PKIB: variants seen among roughly 807,000 people sequenced by gnomAD.
The protein encoded by PKIB is PKI-beta.
PKIB carries 2 observed loss-of-function variants against 4.5 expected under a neutral mutation model. The observed-to-expected ratio is 0.44, with a 90% CI of 0.18 to 1.39. The LOEUF (loss-of-function observed/expected upper bound fraction) is 1.39, where lower values mean the gene tolerates loss of function less well. Ranked by LOEUF, PKIB falls within the 40% of genes most tolerant of loss-of-function variation. The pLI, the probability that PKIB is intolerant of heterozygous loss-of-function variation, is 0.27. For synonymous variants in PKIB, 38 were observed against 36.0 expected (o/e 1.06, Z -0.20); for missense variants, 94 against 92.6 (o/e 1.02, Z -0.06).
rs376747105 is a variant in PKIB at position 122,627,184 on chromosome 6, A to G, written c.-160-6099A>G. Reference sequence around the variant, plus strand: ...CGTAAACCCGGGAGGCGGAGCTTGCAGTGAGCCGAGATTGTGCCTACTGCA... The same window carrying G: ...CGTAAACCCGGGAGGCGGAGCTTGCGGTGAGCCGAGATTGTGCCTACTGCA... On this transcript the variant is annotated intron_variant, in intron 1 of 4. Transcript: ENST00000368452. Among the ~76,000 whole-genome samples the G allele has an allele frequency of 3.0e-4, 46 of 151,482 alleles. No individual in the cohort carries two copies. The East Asian group carries it at 8.4e-3, about 28-fold the overall frequency.
chr6:122,656,752 A>G (rs1776791044), intron 2 of PKIB, among the ~76,000 whole-genome samples: 1 of 152,228 alleles, frequency 6.6e-6, no homozygotes, highest in South Asian at 2.1e-4. Flanking sequence ...ATGTCAAAGC[A>G]GAACTGGCTT....
chr6:122,498,250 CAT>C (rs1387255445), intron 2 of PKIB, among the ~76,000 whole-genome samples: 1 of 152,202 alleles, frequency 6.6e-6, no homozygotes, highest in African/African-American at 2.4e-5. Flanking sequence ...CAGCACACCT[CAT>C]ATGGTGGTGG....
intron 2 of PKIB, among the ~76,000 whole-genome samples, chr6:122,540,174 A>T (rs1777548613): frequency 6.6e-6 from 1 of 151,698 alleles, no homozygotes; most frequent in East Asian, 1.9e-4. Context: ...TTGTGTCTCT[A>T]TTTCCTTCAG....
intron 2 of PKIB, among the ~76,000 whole-genome samples, chr6:122,655,996 A>AT (rs1776764176): frequency 6.6e-6 from 1 of 151,942 alleles, no homozygotes. Flanking sequence ...ATATTTTTGT[A>AT]TTTTTTTCTC....
chr6:122,649,622 T>C (rs539230788), intron 2 of PKIB, among the ~76,000 whole-genome samples: 88 of 152,316 alleles, frequency 5.8e-4, no homozygotes, highest in African/African-American at 2.1e-3. Flanking sequence ...CCATTTGATA[T>C]TGGGGTGTGG....
At chr6:122,666,491 T>G (rs1777224220) in intron 2 of PKIB, among the ~76,000 whole-genome samples, 1 of 152,230 alleles carries the variant, frequency 6.6e-6, no homozygotes, top group African/African-American at 2.4e-5. Flanking sequence ...TTGTTTTTGT[T>G]TTACTTCTCT....
At chr6:122,541,011 T>C (rs1246962383) in intron 2 of PKIB, among the ~76,000 whole-genome samples, 1 of 151,066 alleles carries the variant, frequency 6.6e-6, no homozygotes, top group Non-Finnish European at 1.5e-5. Context: ...AACCCCTGCC[T>C]TTTTTTTGTT....
chr6:122,606,895 G>A (rs1443903756), upstream of PKIB, among the ~76,000 whole-genome samples: 3 of 151,674 alleles, frequency 2.0e-5, no homozygotes, highest in Non-Finnish European at 4.4e-5. Context: ...CCTTCTCCCT[G>A]CATCTCTTGG....
intron 2 of PKIB, among the ~76,000 whole-genome samples, chr6:122,494,526 T>C (rs1205197879): frequency 6.6e-6 from 1 of 152,114 alleles, no homozygotes; most frequent in Non-Finnish European, 1.5e-5. Flanking sequence ...CCTTGGGAAA[T>C]ACTGGAAGAT....
intron 2 of PKIB, among the ~76,000 whole-genome samples, chr6:122,580,421 T>A (rs920609057): frequency 1.3e-5 from 2 of 152,212 alleles, no homozygotes; most frequent in Non-Finnish European, 2.9e-5. Context: ...TTGCTAAGCT[T>A]ATTGCCCATT....
intron 2 of PKIB, among the ~76,000 whole-genome samples, chr6:122,554,908 C>T (rs1477530049): frequency 1.3e-5 from 2 of 152,070 alleles, no homozygotes; most frequent in Non-Finnish European, 2.9e-5. Context: ...AAATAAGTTT[C>T]CTCTTAAAGA....
chr6:122,710,427 G>A (rs553630156), intron 3 of PKIB, among the ~76,000 whole-genome samples: 6 of 151,992 alleles, frequency 3.9e-5, no homozygotes, highest in Non-Finnish European at 1.5e-5. Flanking sequence ...TTCCCACTAG[G>A]GCAAATTCAG....
intron 3 of PKIB, among the ~76,000 whole-genome samples, chr6:122,698,665 T>A (rs988702992): frequency 1.3e-5 from 2 of 152,074 alleles, no homozygotes; most frequent in African/African-American, 4.8e-5. Flanking sequence ...CTAACTGGAG[T>A]GCCTGTTGAT....
At chr6:122,689,160 T>C (rs1271919025) in intron 3 of PKIB, among the ~76,000 whole-genome samples, 1 of 152,142 alleles carries the variant, frequency 6.6e-6, no homozygotes, top group East Asian at 1.9e-4. Flanking sequence ...CTTCTCTCTT[T>C]TTTTCTTAGT....
At chr6:122,674,919 T>C (rs1041458145) in intron 2 of PKIB, among the ~76,000 whole-genome samples, 159 bp from the exon 3 acceptor site, 3 of 152,210 alleles carry the variant, frequency 2.0e-5, no homozygotes, top group Non-Finnish European at 4.4e-5. Flanking sequence ...GAAAATTTTA[T>C]GTTTGAATTA....
chr6:122,640,419 T>C (rs1042594748), intron 2 of PKIB, among the ~76,000 whole-genome samples: 1 of 152,090 alleles, frequency 6.6e-6, no homozygotes, highest in African/African-American at 2.4e-5. Flanking sequence ...GCTGGAAAGA[T>C]TTTTTTTAGC....
intron 1 of PKIB, among the ~76,000 whole-genome samples, chr6:122,624,263 A>C (rs1016856730): frequency 3.3e-5 from 5 of 152,224 alleles, no homozygotes; most frequent in Admixed American, 6.5e-5. Flanking sequence ...TGAATATTAC[A>C]AAATCATTTA....
chr6:122,628,780 C>A (rs1775571981), intron 1 of PKIB, among the ~76,000 whole-genome samples: 1 of 152,148 alleles, frequency 6.6e-6, no homozygotes, highest in Non-Finnish European at 1.5e-5. Context: ...TGACCTGACT[C>A]ACAACATTTT....
At chr6:122,655,431 C>T (rs759157437) in intron 2 of PKIB, among the ~76,000 whole-genome samples, 3 of 152,146 alleles carry the variant, frequency 2.0e-5, no homozygotes, top group Non-Finnish European at 4.4e-5. Flanking sequence ...AGGAGAACTC[C>T]CTCTCTTTTC....
Sources: allele counts gnomAD v4.1 joint callset (sites outside exome capture counted in the v4.1 genomes callset), GRCh38; gene constraint gnomAD v4.1.1; transcripts MANE v1.5; gene names NCBI Gene and HGNC (gene_info 2026-07-23, HGNC 2026-07-21).